The following PCARE variants were observed in gnomAD, a reference collection of about 807,000 sequenced individuals.
The protein encoded by PCARE is uncharacterized protein C2orf71.
In PCARE, 72 loss-of-function variants were observed where a neutral mutation model predicts 82.2. The ratio of observed to expected loss-of-function variants is 0.88; its 90% CI spans 0.72 to 1.07. The LOEUF (loss-of-function observed/expected upper bound fraction) is 1.07. Ranked by LOEUF, PCARE falls within the 50% of genes least tolerant of loss-of-function variation. The pLI is 0.00. For missense variants in PCARE, 1,768 were observed against 1,592.4 expected, an observed-to-expected ratio of 1.11 and a Z score of -1.88; for synonymous variants, 705 against 634.8, an observed-to-expected ratio of 1.11 and a Z score of -1.66.
Position 29,072,408 on chromosome 2 carries a change from G to A in PCARE, c.1854C>T (p.Asp618=), listed in dbSNP as rs1276836174. 2.5e-6 allele frequency: 4 copies of A among 1,614,038 alleles called. No individual in the cohort carries two copies. The African/African-American group carries it at 5.3e-5, about 22-fold the overall frequency. ...AAAATGCCTCCAGCTTCTGACTGAG[G>A]TCCCTCTGGACCCTTCGCAGCTCCT... ...TFQELRRVQR[D]LSQKLEAFYA... Residue 618 remains aspartate (D), a synonymous_variant, in exon 1 of 2, where the codon GAC becomes GAT. Transcript: ENST00000331664.
At position 29,062,138 on chromosome 2, in the gene PCARE, T is replaced by C. The variant is rs1442051044; in HGVS notation, c.*2731A>G. ...AATTGACCCCCAGCCCCCAGCACCT[T>C]GGCAACCCCTCCCCATCTTCCCTGG... is the stretch of plus-strand genomic sequence containing the variant. On this transcript the variant is annotated 3_prime_UTR_variant, in exon 2 of 2. Transcript: ENST00000331664. 2.7e-5 allele frequency: 4 copies of C among 150,384 alleles called. No homozygotes were observed. Among genetic ancestry groups the C allele is most frequent in the Admixed American group, 6.6e-5 (1 of 15,222 alleles). The allele number at this position is 150,384 out of a possible 1,614,324, so 9.3% of individuals were successfully genotyped here. A position where few individuals can be genotyped will look rare whatever the true frequency, so the allele number is the denominator to read the frequency against.
rs1667352871 is a variant in PCARE at position 29,064,108 on chromosome 2, G to A, written c.*761C>T. On this transcript the variant is annotated 3_prime_UTR_variant, in exon 2 of 2. Transcript: ENST00000331664. ...TTTAAGTTTACAGCATTGAAACTGAGCTTGGGAAGGAGGAGAGGACAGAGG... is the reference window on the plus strand; with the variant it reads ...TTTAAGTTTACAGCATTGAAACTGAACTTGGGAAGGAGGAGAGGACAGAGG... The A allele has an allele frequency of 6.5e-6, 1 of 153,690 alleles. No homozygotes were observed. Among genetic ancestry groups the A allele is most frequent in the South Asian group, 2.1e-4 (1 of 4,830 alleles). 9.5% of individuals were successfully genotyped at this position (153,690 alleles called of 1,614,324 possible). A position where few individuals can be genotyped will look rare whatever the true frequency, so the allele number is the denominator to read the frequency against.
intron 1 of PCARE, among the ~76,000 whole-genome samples, chr2:29,067,670 G>A (rs920901299): frequency 1.3e-5 from 2 of 152,126 alleles, no homozygotes; most frequent in African/African-American, 4.8e-5. Context: ...TCAGCCTCCC[G>A]AGTAGCTGGG....
In PCARE at chr2:29,072,216, C is replaced by A. The variant is rs750479813; in HGVS notation, c.2046G>T (p.Lys682Asn). 6.2e-7 allele frequency: 1 copy of A among 1,614,232 alleles called. No individual in the cohort carries two copies. The highest frequency in any genetic ancestry group is 2.2e-5 in the East Asian group (1 of 44,888). ...GGGGATTGCATTTCTGCAAGATGCT[C>A]TTGTCCTGACTAGGCAAAATACTGA... is the stretch of plus-strand genomic sequence containing the variant. ...KNFSILPSQD[K>N]SILQKCNPHP... The change falls in exon 1 of 2, where the codon AAG becomes AAT. Residue 682 changes from lysine to asparagine, a missense_variant. By Grantham distance (94) the Lys-to-Asn change is moderately conservative (BLOSUM62 0). Coordinates refer to ENST00000331664, the MANE Select transcript of PCARE (RefSeq NM_001029883.3).
At position 29,070,765 on chromosome 2, in the gene PCARE, C is replaced by A. The variant is rs775046615; in HGVS notation, c.3497G>T (p.Ser1166Ile). ...GTCTGCTCTCAGCCAAGGCCCTGAG[C>A]TGTTCTTCCAGCATTCTGCTGGGTT... Reference protein sequence around the residue: ...LGNPAECWKNSSGPWLRADSQ... With the variant: ...LGNPAECWKNISGPWLRADSQ... The change falls in exon 1 of 2, where the codon AGC becomes ATC. Residue 1166 changes from serine (S) to isoleucine (I), a missense_variant. Ser to Ile is a moderately radical substitution (Grantham distance 142). Coordinates refer to ENST00000331664, the MANE Select transcript of PCARE (RefSeq NM_001029883.3). The A allele has an allele frequency of 1.2e-6, 2 of 1,614,150 alleles. No individual in the cohort carries two copies. Among genetic ancestry groups the A allele is most frequent in the Non-Finnish European group, 1.7e-6 (2 of 1,180,042 alleles).
At position 29,071,466 on chromosome 2, in the gene PCARE, T is replaced by G. The variant is rs794726891; in HGVS notation, c.2796A>C (p.Gln932His). ...LDLSSPPATS[Q>H]SPEVKGGTWS... ...AAGTCCCACCCTTCACCTCGGGGCT[T>G]TGGCTGGTGGCTGGTGGGCTGCTCA... Residue 932 changes from glutamine to histidine, a missense_variant, in exon 1 of 2, where the codon CAA becomes CAC. Physicochemically the swap from Gln to His is conservative, Grantham distance 24. Transcript: ENST00000331664. 2.5e-6 allele frequency: 4 copies of G among 1,612,278 alleles called. No individual in the cohort carries two copies. The Admixed American group carries it at 5.0e-5, about 20-fold the overall frequency.
chr2:29,071,659 C>G lies in PCARE; in HGVS notation c.2603G>C (p.Gly868Ala), dbSNP rs1667487980. The change falls in exon 1 of 2, where the codon GGA becomes GCA. Residue 868 changes from glycine (G) to alanine (A), a missense_variant. Coordinates refer to ENST00000331664, the MANE Select transcript of PCARE (RefSeq NM_001029883.3). Reference protein sequence around the residue: ...SPKETQEPGPGEAGPTRRTWA... With the variant: ...SPKETQEPGPAEAGPTRRTWA... ...TGTTCTCCTGGTGGGGCCAGCCTCT[C>G]CCGGCCCTGGCTCCTGGGTTTCCTT... The G allele has an allele frequency of 6.2e-7, 1 of 1,613,874 alleles. No individual in the cohort carries two copies.
Position 29,070,915 on chromosome 2 carries a change from G to A in PCARE, c.3347C>T (p.Ser1116Phe), listed in dbSNP as rs1326162935. The change falls in exon 1 of 2, where the codon TCT becomes TTT. Residue 1116 changes from serine (S) to phenylalanine (F), a missense_variant. By Grantham distance (155) the Ser-to-Phe change is radical (BLOSUM62 -2). Coordinates refer to ENST00000331664, the MANE Select transcript of PCARE (RefSeq NM_001029883.3). ...GCAGAATATGGAATGTGTGTTCCCA[G>A]ACACTTTGGCTATGACTGCTTGGCT... ...EDSQAVIAKV[S>F]GNTHSIFCPA... is the part of the protein sequence containing the mutation. 4.3e-6 allele frequency: 7 copies of A among 1,613,778 alleles called. No individual in the cohort carries two copies. The African/African-American group carries it at 6.7e-5, about 15-fold the overall frequency.
At chr2:29,070,000 C>G (rs905200514) in intron 1 of PCARE, among the ~76,000 whole-genome samples, 2 of 152,164 alleles carry the variant, frequency 1.3e-5, no homozygotes, top group Non-Finnish European at 2.9e-5. Flanking sequence ...GTGAGCCAGC[C>G]ACAGGGGCAA....
Position 29,071,698 on chromosome 2 carries a change from G to T in PCARE, c.2564C>A (p.Thr855Lys). Residue 855 changes from threonine (T) to lysine (K), a missense_variant, in exon 1 of 2, where the codon ACA (threonine) becomes AAA (lysine). Transcript: ENST00000331664. ...CTGGGTTTCCTTGGGGGAGTTCTCTGTGGACTTGCTGCTTTCTGGGGACTC... is the reference window on the plus strand; with the variant it reads ...CTGGGTTTCCTTGGGGGAGTTCTCTTTGGACTTGCTGCTTTCTGGGGACTC... Reference protein sequence around the residue: ...SLESPESSKSTENSPKETQEP... With the variant: ...SLESPESSKSKENSPKETQEP... The T allele has an allele frequency of 6.2e-7, 1 of 1,614,134 alleles. No homozygotes were observed. The highest frequency in any genetic ancestry group is 8.5e-7 in the Non-Finnish European group (1 of 1,179,992).
chr2:29,071,723 C>A lies in PCARE; in HGVS notation c.2539G>T (p.Glu847Ter). Residue 847 changes from glutamate to a stop codon, truncating the protein, a stop_gained, in exon 1 of 2, where the codon GAG (glutamate) becomes TAG (stop). Coordinates refer to ENST00000331664, the MANE Select transcript of PCARE (RefSeq NM_001029883.3). LOFTEE classifies it high-confidence loss of function. The stretch of plus-strand genomic sequence containing the variant: ...GTGGACTTGCTGCTTTCTGGGGACT[C>A]CAGAGAAGCGAATGATTTGTCCATC... The part of the protein sequence containing the change: ...VLMDKSFASL[E>*]SPESSKSTEN... 6.2e-7 allele frequency: 1 copy of A among 1,613,968 alleles called. No individual in the cohort carries two copies. The highest frequency in any genetic ancestry group is 8.5e-7 in the Non-Finnish European group (1 of 1,179,936).
At chr2:29,070,181 A>G (rs956961416) in intron 1 of PCARE, among the ~76,000 whole-genome samples, 2 of 152,098 alleles carry the variant, frequency 1.3e-5, no homozygotes, top group Non-Finnish European at 2.9e-5. Flanking sequence ...TATTTGTTTC[A>G]TGGTGGTTTC....
rs918759361 is a variant in PCARE at position 29,074,028 on chromosome 2, C to G, written c.234G>C (p.Met78Ile). Residue 78 changes from methionine (M) to isoleucine (I), a missense_variant, in exon 1 of 2, where the codon ATG (methionine) becomes ATC (isoleucine). Transcript: ENST00000331664. ...TCCTTTTGCCTGAAGCAGGATCTCC[C>G]ATGAGCTGACAAAGACCTTTAGCTG... ...QTTAKGLCQL[M>I]GDPASGKRKD... The G allele has an allele frequency of 1.2e-6, 2 of 1,614,050 alleles. No homozygotes were observed. The highest frequency in any genetic ancestry group is 1.7e-6 in the Non-Finnish European group (2 of 1,180,026).
At position 29,070,824 on chromosome 2, in the gene PCARE, T is replaced by C. The variant is rs1381385804; in HGVS notation, c.3438A>G (p.Pro1146=). ...PLSTAHPLTP[P]SLPPEAGGPL... ...GGCCCCCAGCCTCTGGCGGCAGCGATGGTGGGGTCAGTGGGTGGGCTGTTG... is the reference window on the plus strand; with the variant it reads ...GGCCCCCAGCCTCTGGCGGCAGCGACGGTGGGGTCAGTGGGTGGGCTGTTG... The change falls in exon 1 of 2, where the codon CCA becomes CCG. Residue 1146 remains proline (P), a synonymous_variant. Coordinates refer to ENST00000331664, the MANE Select transcript of PCARE (RefSeq NM_001029883.3). The C allele has an allele frequency of 6.2e-7, 1 of 1,613,716 alleles. No individual in the cohort carries two copies. The highest frequency in any genetic ancestry group is 8.5e-7 in the Non-Finnish European group (1 of 1,179,954).
In PCARE at chr2:29,071,759, T is replaced by G. The variant is rs2148415553; in HGVS notation, c.2503A>C (p.Met835Leu). Reference sequence around the variant, plus strand: ...AATGATTTGTCCATCAGAACTTCCATAGGCGGTGGAGGGAGGTGCTCGAGG... The same window carrying G: ...AATGATTTGTCCATCAGAACTTCCAGAGGCGGTGGAGGGAGGTGCTCGAGG... ...GNLEHLPPPP[M>L]EVLMDKSFAS... is the part of the protein sequence containing the mutation. Residue 835 changes from methionine to leucine, a missense_variant, in exon 1 of 2, where the codon ATG becomes CTG. Transcript: ENST00000331664. 1 of 1,613,664 alleles carries G rather than the reference T, an allele frequency of 6.2e-7. No homozygotes were observed. The highest frequency in any genetic ancestry group is 8.5e-7 in the Non-Finnish European group (1 of 1,179,646).
At position 29,073,205 on chromosome 2, in the gene PCARE, C is replaced by G; in HGVS notation, c.1057G>C (p.Gly353Arg). The G allele has an allele frequency of 6.2e-7, 1 of 1,614,164 alleles. No individual in the cohort carries two copies. Among genetic ancestry groups the G allele is most frequent in the Non-Finnish European group, 8.5e-7 (1 of 1,180,028 alleles). ...GACTGCACGGACTCATTGTCAGCAC[C>G]AATGCCACTGTCCTCAGAGCATAAG... Reference protein sequence around the residue: ...LPLCSEDSGIGADNESVQSVD... With the variant: ...LPLCSEDSGIRADNESVQSVD... The change falls in exon 1 of 2, where the codon GGT becomes CGT. Residue 353 changes from glycine (G) to arginine (R), a missense_variant. Physicochemically the swap from Gly to Arg is moderately radical, Grantham distance 125 (BLOSUM62 -2). Coordinates refer to ENST00000331664, the MANE Select transcript of PCARE (RefSeq NM_001029883.3).
chr2:29,073,935 G>A lies in PCARE; in HGVS notation c.327C>T (p.His109=). Residue 109 remains histidine, a synonymous_variant, in exon 1 of 2, where the codon CAC becomes CAT. Coordinates refer to ENST00000331664, the MANE Select transcript of PCARE (RefSeq NM_001029883.3). ...SSSQLNKSQS[H]MAKDIPFKTQ... ...TCTTGAACGGAATATCCTTAGCCAT[G>A]TGGCTTTGTGATTTGTTCAGCTGGG... The A allele has an allele frequency of 6.2e-7, 1 of 1,614,254 alleles. No individual in the cohort carries two copies. Among genetic ancestry groups the A allele is most frequent in the South Asian group, 1.1e-5 (1 of 91,092 alleles).
Position 29,072,319 on chromosome 2 carries a change from G to A in PCARE, c.1943C>T (p.Ala648Val), listed in dbSNP as rs1374328262. ...CCTGCAGGTGCCATTGGGCCACACG[G>A]CGGCTGCTCTGGGCTGCAGAATTTG... ...QEQILQPRAA[A>V]VWPNGTCRVS... The change falls in exon 1 of 2, where the codon GCC becomes GTC. Residue 648 changes from alanine to valine, a missense_variant. By Grantham distance (64) the Ala-to-Val change is moderately conservative. Transcript: ENST00000331664. 3.7e-6 allele frequency: 6 copies of A among 1,614,052 alleles called. No individual in the cohort carries two copies. In the Admixed American group the frequency reaches 6.7e-5, roughly 18 times the overall value.
At position 29,071,768 on chromosome 2, in the gene PCARE, G is replaced by A. The variant is rs528058715; in HGVS notation, c.2494C>T (p.Pro832Ser). ...TCCATCAGAACTTCCATAGGCGGTG[G>A]AGGGAGGTGCTCGAGGTTCCCCTCC... ...EMEGNLEHLP[P>S]PPMEVLMDKS... Residue 832 changes from proline to serine, a missense_variant, in exon 1 of 2, where the codon CCA becomes TCA. By Grantham distance (74) the Pro-to-Ser change is moderately conservative. Transcript: ENST00000331664. 3.1e-6 allele frequency: 5 copies of A among 1,613,642 alleles called. No individual in the cohort carries two copies. In the South Asian group the frequency reaches 3.3e-5, roughly 11 times the overall value.
Sources: allele counts gnomAD v4.1 joint callset (sites outside exome capture counted in the v4.1 genomes callset), GRCh38; gene constraint gnomAD v4.1.1; transcripts MANE v1.5; gene names NCBI Gene and HGNC (gene_info 2026-07-23, HGNC 2026-07-21).